Variants in CACNG3 observed in about 807,000 individuals in gnomAD.
CACNG3 encodes the protein voltage-dependent calcium channel gamma-3 subunit.
Under a neutral mutation model 28.5 loss-of-function variants are expected in CACNG3, and 3 were observed. That is an observed-to-expected ratio of 0.11 (90% CI 0.05 to 0.27). CACNG3 has a LOEUF of 0.27. Among genes scored for constraint, CACNG3 ranks in the 10% least tolerant of loss-of-function variants. The pLI, the probability that CACNG3 is intolerant of heterozygous loss-of-function variation, is 1.00. For synonymous variants in CACNG3, 174 were observed against 162.2 expected, an observed-to-expected ratio of 1.07 and a Z score of -0.55; for missense variants, 236 against 414.4, an observed-to-expected ratio of 0.57 and a Z score of 3.74.
chr16:24,340,406 T>A (rs930991801), intron 1 of CACNG3, among the ~76,000 whole-genome samples: 10 of 152,132 alleles, frequency 6.6e-5, no homozygotes, highest in South Asian at 2.1e-4. Flanking sequence ...TCAAAATAAA[T>A]AAATAAAATA....
chr16:24,280,708 T>G (rs1366780065), intron 1 of CACNG3, among the ~76,000 whole-genome samples: 1 of 149,160 alleles, frequency 6.7e-6, no homozygotes, highest in Non-Finnish European at 1.5e-5. Context: ...CCCAGCTACT[T>G]GGGAGGCTGA....
At chr16:24,280,848 CCAGA>C (rs1898817344) in intron 1 of CACNG3, among the ~76,000 whole-genome samples, 1 of 84,530 alleles carries the variant, frequency 1.2e-5, no homozygotes. Flanking sequence ...AAAAAAAAGA[CCAGA>C]CCGTTTATTC....
intron 2 of CACNG3, 81 bp downstream of exon 2, chr16:24,346,898 T>G: frequency 9.6e-7 from 1 of 1,040,462 alleles, no homozygotes; most frequent in Non-Finnish European, 1.5e-6. Flanking sequence ...GAGTCGGAGC[T>G]TCCTCAGCAT....
At chr16:24,323,026 G>A (rs563313169) in intron 1 of CACNG3, among the ~76,000 whole-genome samples, 1 of 152,114 alleles carries the variant, frequency 6.6e-6, no homozygotes, top group East Asian at 1.9e-4. Flanking sequence ...AGGAATATGA[G>A]ACCAGCCTGG....
chr16:24,349,198 T>C (rs9925741), intron 2 of CACNG3, among the ~76,000 whole-genome samples: 3,978 of 152,334 alleles, frequency 0.026, 67 homozygotes, highest in African/African-American at 0.036. Flanking sequence ...AATGGGATTC[T>C]GCATATCGAC....
At chr16:24,339,004 A>G (rs1242219628) in intron 1 of CACNG3, among the ~76,000 whole-genome samples, 1 of 152,188 alleles carries the variant, frequency 6.6e-6, no homozygotes, top group Non-Finnish European at 1.5e-5. Flanking sequence ...ATTAACCTTC[A>G]GGTCTCAGCT....
intron 1 of CACNG3, among the ~76,000 whole-genome samples, chr16:24,332,460 G>A (rs1335079492): frequency 2.4e-5 from 2 of 81,914 alleles, no homozygotes; most frequent in African/African-American, 9.4e-5. Flanking sequence ...GCAAGACCCT[G>A]TCTCAAAAAA....
chr16:24,264,148 C>A (rs552630199), intron 1 of CACNG3, among the ~76,000 whole-genome samples: 1 of 152,342 alleles, frequency 6.6e-6, no homozygotes, highest in East Asian at 1.9e-4. Flanking sequence ...CCTGGGAGAG[C>A]AGCCCATTAA....
At chr16:24,353,984 G>A (rs1308717412) in intron 2 of CACNG3, among the ~76,000 whole-genome samples, 1 of 152,130 alleles carries the variant, frequency 6.6e-6, no homozygotes, top group Admixed American at 6.5e-5. Flanking sequence ...CTTGAGGCCA[G>A]GAGTTCTAGA....
At chr16:24,344,711 C>G (rs550190771) in intron 1 of CACNG3, among the ~76,000 whole-genome samples, 1 of 152,240 alleles carries the variant, frequency 6.6e-6, no homozygotes, top group South Asian at 2.1e-4. Context: ...GAATCAGAAC[C>G]AAGGAGATGT....
chr16:24,315,572 T>G (rs1346111814), intron 1 of CACNG3, among the ~76,000 whole-genome samples: 1 of 151,658 alleles, frequency 6.6e-6, no homozygotes, highest in African/African-American at 2.4e-5. Context: ...TTCTTTTCTT[T>G]CTTTCTTCTC....
chr16:24,292,253 C>A (rs11640935), intron 1 of CACNG3, among the ~76,000 whole-genome samples: 2 of 151,954 alleles, frequency 1.3e-5, no homozygotes, highest in African/African-American at 4.8e-5. Context: ...TCCTGAATGG[C>A]GAAACAGAGT....
intron 1 of CACNG3, among the ~76,000 whole-genome samples, chr16:24,313,109 A>AAGGAAGGC (rs1323757240): frequency 6.6e-6 from 1 of 150,542 alleles, no homozygotes. Flanking sequence ...GGAAGGAAGG[A>AAGGAAGGC]AGCTTCTGTC....
At chr16:24,342,145 G>A (rs1191570434) in intron 1 of CACNG3, among the ~76,000 whole-genome samples, 1 of 152,108 alleles carries the variant, frequency 6.6e-6, no homozygotes, top group Non-Finnish European at 1.5e-5. Flanking sequence ...GCACGCGCCT[G>A]TAATCCCAGC....
chr16:24,349,560 T>C (rs1208307365), intron 2 of CACNG3, among the ~76,000 whole-genome samples: 6 of 152,116 alleles, frequency 3.9e-5, no homozygotes, highest in Non-Finnish European at 7.4e-5. Context: ...TTTAAGAACA[T>C]AGGGTAACTT....
chr16:24,302,963 T>C (rs1899134503), intron 1 of CACNG3, among the ~76,000 whole-genome samples: 1 of 148,776 alleles, frequency 6.7e-6, no homozygotes, highest in Admixed American at 6.7e-5. Context: ...CCTGACCTAA[T>C]TTTTTTTTTA....
At chr16:24,319,838 T>G (rs1416293555) in intron 1 of CACNG3, among the ~76,000 whole-genome samples, 1 of 152,144 alleles carries the variant, frequency 6.6e-6, no homozygotes, top group Non-Finnish European at 1.5e-5. Context: ...TGGCACAATC[T>G]CTGCTCACTA....
chr16:24,275,194 CA>C (rs71154294), intron 1 of CACNG3, among the ~76,000 whole-genome samples: 63,317 of 147,444 alleles, frequency 0.43, 13,542 homozygotes, highest in East Asian at 0.57. Context: ...ACTCCATCTC[CA>C]AAAAAAAAAA....
intron 1 of CACNG3, among the ~76,000 whole-genome samples, chr16:24,334,188 C>T (rs1054176695): frequency 3.9e-5 from 6 of 152,142 alleles, no homozygotes; most frequent in Admixed American, 1.3e-4. Context: ...AACGCTGGAC[C>T]CTAGGTTCCT....
Sources: gnomAD v4.1 joint callset for allele counts (sites outside exome capture counted in the v4.1 genomes callset) on GRCh38, gnomAD v4.1.1 for gene constraint, MANE v1.5 for transcripts, NCBI Gene and HGNC (gene_info 2026-07-23, HGNC 2026-07-21) for gene names.